The following ATF6 variants were observed in gnomAD, a reference collection of about 807,000 sequenced individuals.
ATF6 encodes the protein cyclic AMP-dependent transcription factor ATF-6 alpha.
Under a neutral mutation model 83.6 loss-of-function variants are expected in ATF6, and 53 were observed. That is an observed-to-expected ratio of 0.63 (90% CI 0.51 to 0.80). ATF6 has a LOEUF of 0.80. ATF6 is among the 30% of genes least tolerant of loss of function. ATF6 has a pLI of 0.00. For synonymous variants in ATF6, 288 were observed against 285.8 expected (o/e 1.01, Z -0.08); for missense variants, 744 against 797.9 (o/e 0.93, Z 0.81).
At chr1:161,922,255 C>CTT (rs1034373231) in intron 15 of ATF6, among the ~76,000 whole-genome samples, 23 of 152,296 alleles carry the variant, frequency 1.5e-4, no homozygotes, top group African/African-American at 5.5e-4. Context: ...AATCCAAATG[C>CTT]TTTAGCCTGG....
intron 15 of ATF6, among the ~76,000 whole-genome samples, chr1:161,932,541 A>G (rs891054723): frequency 2.0e-5 from 3 of 152,238 alleles, no homozygotes; most frequent in South Asian, 2.1e-4. Context: ...ATTGCAGACC[A>G]TTTTAAATGT....
intron 14 of ATF6, among the ~76,000 whole-genome samples, chr1:161,906,297 G>C (rs1687877128): frequency 6.6e-6 from 1 of 152,190 alleles, no homozygotes; most frequent in Admixed American, 6.5e-5. Context: ...CATGAAAAGA[G>C]AAGAATGATT....
chr1:161,897,789 T>C (rs1363033468), intron 14 of ATF6, among the ~76,000 whole-genome samples: 2 of 152,234 alleles, frequency 1.3e-5, no homozygotes, highest in African/African-American at 4.8e-5. Context: ...TGCTTACGTG[T>C]TGAGTGATAA....
chr1:161,767,895 G>T (rs1378938865), intron 1 of ATF6, among the ~76,000 whole-genome samples: 1 of 151,872 alleles, frequency 6.6e-6, no homozygotes, highest in Non-Finnish European at 1.5e-5. Context: ...CGCTTTTGTT[G>T]CCCAGGCTAG....
chr1:161,925,202 G>A (rs1558027938), intron 15 of ATF6, among the ~76,000 whole-genome samples: 2 of 152,280 alleles, frequency 1.3e-5, no homozygotes, highest in East Asian at 3.9e-4. Flanking sequence ...TTCTGAATGG[G>A]CTCTGGTTTT....
chr1:161,825,624 GGGTAA>G (rs1685876621), intron 9 of ATF6, among the ~76,000 whole-genome samples: 1 of 152,162 alleles, frequency 6.6e-6, no homozygotes, highest in African/African-American at 2.4e-5. Context: ...GAGACGCATA[GGGTAA>G]GGTATAGGGG....
intron 14 of ATF6, among the ~76,000 whole-genome samples, chr1:161,876,755 T>G (rs867539956): frequency 6.6e-6 from 1 of 152,056 alleles, no homozygotes; most frequent in African/African-American, 2.4e-5. Context: ...CTTTGCTAGA[T>G]TCCACCTTTC....
At chr1:161,892,989 G>C (rs1229804611) in intron 14 of ATF6, among the ~76,000 whole-genome samples, 1 of 151,890 alleles carries the variant, frequency 6.6e-6, no homozygotes, top group Non-Finnish European at 1.5e-5. Context: ...TTGCTACGTC[G>C]TTGAGGGGAA....
chr1:161,919,716 G>T (rs1008769697), intron 15 of ATF6, among the ~76,000 whole-genome samples: 2 of 152,080 alleles, frequency 1.3e-5, no homozygotes, highest in African/African-American at 4.8e-5. Flanking sequence ...ATAAACAACT[G>T]TTTATAACTG....
rs1323926849 is a variant in ATF6 at position 161,936,473 on chromosome 1, TTTAAG to T, written c.1805-21969_1805-21965del. ...TGCAAACAATCCAATTATTACACTC[TTTAAG>T]TTATTTTAAAATGTTACAGATGTTT... is the stretch of plus-strand genomic sequence containing the variant. On this transcript the variant is annotated intron_variant, in intron 15 of 15. Transcript: ENST00000367942. Among the ~76,000 whole-genome samples, 7 of 152,188 alleles carry T rather than the reference TTTAAG, an allele frequency of 4.6e-5. No individual in the cohort carries two copies. In the East Asian group the frequency reaches 5.8e-4, roughly 13 times the overall value.
intron 1 of ATF6, among the ~76,000 whole-genome samples, chr1:161,775,951 C>A (rs774201311): frequency 1.3e-5 from 2 of 151,836 alleles, no homozygotes; most frequent in Non-Finnish European, 2.9e-5. Flanking sequence ...ATACAAACAT[C>A]TGCATATGTG....
rs1689132649 is a variant in ATF6 at position 161,963,035 on chromosome 1, T to G, written c.*4381T>G. ...CCCTAATAACATTTGGAAGTGAATA[T>G]TCCCATTTTCTTCCACCCACAGGGA... On this transcript the variant is annotated 3_prime_UTR_variant, in exon 16 of 16. Coordinates refer to ENST00000367942, the MANE Select transcript of ATF6 (RefSeq NM_007348.4). 1 of 152,220 alleles carries G rather than the reference T, an allele frequency of 6.6e-6. No individual in the cohort carries two copies. Among genetic ancestry groups the G allele is most frequent in the African/African-American group, 2.4e-5 (1 of 41,476 alleles). The allele number at this position is 152,220 out of a possible 1,614,324, so 9.4% of individuals were successfully genotyped here.
Position 161,958,826 on chromosome 1 carries a change from A to G in ATF6, c.*172A>G. On this transcript the variant is annotated 3_prime_UTR_variant, in exon 16 of 16. Coordinates refer to ENST00000367942, the MANE Select transcript of ATF6 (RefSeq NM_007348.4). The stretch of plus-strand genomic sequence containing the variant: ...CTGCTCCATTTTTCATCATCTACCC[A>G]TCTATTTGGAAAGCACTGGAATTCA... 1 of 561,540 alleles carries G rather than the reference A, an allele frequency of 1.8e-6. No homozygotes were observed. The highest frequency in any genetic ancestry group is 2.8e-5 in the South Asian group (1 of 35,434). The allele number at this position is 561,540 out of a possible 1,614,324, so 34.8% of individuals were successfully genotyped here. A position where few individuals can be genotyped will look rare whatever the true frequency, so the allele number is the denominator to read the frequency against.
At position 161,846,593 on chromosome 1, in the gene ATF6, G is replaced by A. The variant is rs966509935; in HGVS notation, c.1319+13G>A. 1.3e-6 allele frequency: 2 copies of A among 1,590,022 alleles called. No homozygotes were observed. Among genetic ancestry groups the A allele is most frequent in the Admixed American group, 1.8e-5 (1 of 56,450 alleles). On this transcript the variant is annotated intron_variant, in intron 10 of 15. Transcript: ENST00000367942. The stretch of plus-strand genomic sequence containing the variant: ...AAAACAGCTACAGGTAAGATGGCAT[G>A]CATCTATCTTTTGGCCTAAGTGATT...
At position 161,863,233 on chromosome 1, in the gene ATF6, C is replaced by A. The variant is rs2101839084; in HGVS notation, c.1640C>A (p.Ala547Asp). Residue 547 changes from alanine to aspartate, a missense_variant, in exon 14 of 16, where the codon GCT becomes GAT. Coordinates refer to ENST00000367942, the MANE Select transcript of ATF6 (RefSeq NM_007348.4). ...NSGSELQVYYASPRSYQDFFE... is the reference protein window; with the variant it reads ...NSGSELQVYYDSPRSYQDFFE... The stretch of plus-strand genomic sequence containing the variant: ...GGGAGTGAGCTACAAGTGTATTATG[C>A]TTCACCCAGAAGTTATCAAGACTTT... The A allele has an allele frequency of 6.2e-7, 1 of 1,612,020 alleles. No homozygotes were observed. Among genetic ancestry groups the A allele is most frequent in the East Asian group, 2.2e-5 (1 of 44,806 alleles).
rs1689153369 is a variant in ATF6, at chr1:161,963,860, T to C, written c.*5206T>C. ...GAGGGGGGAGTGTTAGAGATGCCAT[T>C]TCACCAGGATCTTTTTGCTCAGGTT... On this transcript the variant is annotated 3_prime_UTR_variant, in exon 16 of 16. Transcript: ENST00000367942. The C allele has an allele frequency of 6.6e-6, 1 of 152,156 alleles. No homozygotes were observed. Among genetic ancestry groups the C allele is most frequent in the Non-Finnish European group, 1.5e-5 (1 of 68,048 alleles). 9.4% of individuals were successfully genotyped at this position (152,156 alleles called of 1,614,324 possible). A position where few individuals can be genotyped will look rare whatever the true frequency, so the allele number is the denominator to read the frequency against.
At chr1:161,934,979 A>T (rs1392805240) in intron 15 of ATF6, among the ~76,000 whole-genome samples, 1 of 152,228 alleles carries the variant, frequency 6.6e-6, no homozygotes, top group African/African-American at 2.4e-5. Flanking sequence ...ATCTGGTTTT[A>T]TAGGGAAATC....
At chr1:161,853,905 A>G (rs960466739) in intron 12 of ATF6, among the ~76,000 whole-genome samples, 1 of 152,246 alleles carries the variant, frequency 6.6e-6, no homozygotes, top group African/African-American at 2.4e-5. Context: ...CAAGTTCCCA[A>G]TAATGAGCCA....
chr1:161,958,042 T>A (rs993525855), intron 15 of ATF6, among the ~76,000 whole-genome samples: 4 of 152,350 alleles, frequency 2.6e-5, no homozygotes, highest in South Asian at 2.1e-4. Flanking sequence ...CTTCCCATTG[T>A]TGAAGGCAGG....
Sources: gnomAD v4.1 joint callset for allele counts (sites outside exome capture counted in the v4.1 genomes callset) on GRCh38, gnomAD v4.1.1 for gene constraint, MANE v1.5 for transcripts, NCBI Gene and HGNC (gene_info 2026-07-23, HGNC 2026-07-21) for gene names.